SGTB: variants seen among roughly 807,000 people sequenced by gnomAD.
The protein encoded by SGTB is small glutamine rich tetratricopeptide repeat co-chaperone beta, also known as small glutamine-rich tetratricopeptide repeat-containing protein beta.
In SGTB, 19 loss-of-function variants were observed where a neutral mutation model predicts 43.9. The observed-to-expected ratio is 0.43, with a 90% CI of 0.30 to 0.63. The LOEUF (loss-of-function observed/expected upper bound fraction) is 0.63, where lower values mean the gene tolerates loss of function less well. Ranked by LOEUF, SGTB falls within the 30% of genes least tolerant of loss-of-function variation. The pLI is 0.12. For synonymous variants in SGTB, 116 were observed against 117.3 expected (o/e 0.99, Z 0.07); for missense variants, 304 against 358.9 (o/e 0.85, Z 1.24).
intron 3 of SGTB, among the ~76,000 whole-genome samples, chr5:65,710,327 A>T (rs1281849415): frequency 6.6e-6 from 1 of 152,202 alleles, no homozygotes; most frequent in Non-Finnish European, 1.5e-5. Flanking sequence ...TAAAAAATAG[A>T]TTATAATCTC....
At position 65,667,607 on chromosome 5, in the gene SGTB, C is replaced by T. The variant is rs1012915787; in HGVS notation, c.*2639G>A. The T allele has an allele frequency of 1.7e-4, 25 of 146,784 alleles. No homozygotes were observed. The highest frequency in any genetic ancestry group is 6.3e-4 in the African/African-American group (25 of 39,374). 9.1% of individuals were successfully genotyped at this position (146,784 alleles called of 1,614,324 possible). ...TGTGCTCTTTTTAAATTCTGCAGAA[C>T]TATATATCTTCATACAGATCTTCGT... On this transcript the variant is annotated 3_prime_UTR_variant, in exon 11 of 11. Coordinates refer to ENST00000381007, the MANE Select transcript of SGTB (RefSeq NM_019072.3).
intron 8 of SGTB, among the ~76,000 whole-genome samples, chr5:65,675,652 C>A (rs982004269): frequency 2.6e-5 from 4 of 152,190 alleles, no homozygotes; most frequent in African/African-American, 9.6e-5. Context: ...GATCTCTCAG[C>A]AGAAACCCTA....
chr5:65,722,179 G>A (rs1758314960), upstream of SGTB: 4 of 266,062 alleles, frequency 1.5e-5, no homozygotes, highest in East Asian at 2.1e-4. Context: ...GAGCTGGGGC[G>A]GGGCACGGCG....
At chr5:65,704,035 C>CAAA (rs11405488) in intron 5 of SGTB, among the ~76,000 whole-genome samples, 41 of 133,356 alleles carry the variant, frequency 3.1e-4, no homozygotes, top group African/African-American at 5.1e-4. Context: ...GACTCCGTCT[C>CAAA]AAAAAAAAAA....
intron 2 of SGTB, among the ~76,000 whole-genome samples, chr5:65,713,308 T>A (rs1758078541): frequency 6.6e-6 from 1 of 151,904 alleles, no homozygotes; most frequent in East Asian, 1.9e-4. Flanking sequence ...TCCCCTTCCC[T>A]CCCTTTCTTT....
intron 5 of SGTB, among the ~76,000 whole-genome samples, chr5:65,693,098 G>A (rs553824107): frequency 1.2e-3 from 186 of 152,018 alleles, no homozygotes; most frequent in Non-Finnish European, 2.2e-3. Flanking sequence ...GGAGACTGAG[G>A]CATGAGACTT....
chr5:65,690,906 A>C (rs984077697), intron 5 of SGTB, among the ~76,000 whole-genome samples: 1 of 152,248 alleles, frequency 6.6e-6, no homozygotes, highest in Non-Finnish European at 1.5e-5. Context: ...ACTTTTGAGC[A>C]CAGTATTCTC....
intron 2 of SGTB, among the ~76,000 whole-genome samples, chr5:65,713,926 G>A (rs531119905): frequency 5.3e-5 from 8 of 152,116 alleles, no homozygotes; most frequent in African/African-American, 1.7e-4. Context: ...CTACTCAGGA[G>A]GCTGAGGTGG....
intron 3 of SGTB, among the ~76,000 whole-genome samples, chr5:65,711,039 C>A (rs1265249976): frequency 6.6e-6 from 1 of 151,128 alleles, no homozygotes; most frequent in Non-Finnish European, 1.5e-5. Context: ...GTGGCACGTG[C>A]CTGGAGTCCC....
At chr5:65,710,261 G>A (rs2150721841) in intron 3 of SGTB, among the ~76,000 whole-genome samples, 1 of 152,198 alleles carries the variant, frequency 6.6e-6, no homozygotes, top group East Asian at 1.9e-4. Context: ...TTTCCAATAA[G>A]CCTAGGCACT....
At chr5:65,699,287 G>GA (rs1309605816) in intron 5 of SGTB, among the ~76,000 whole-genome samples, 2 of 152,226 alleles carry the variant, frequency 1.3e-5, no homozygotes, top group Non-Finnish European at 2.9e-5. Context: ...CTCAGGAATG[G>GA]AAAACCAAAT....
Position 65,715,889 on chromosome 5 carries a change from C to G in SGTB, c.101-2825G>C, listed in dbSNP as rs531700597. On this transcript the variant is annotated intron_variant, in intron 2 of 10. Transcript: ENST00000381007. ...AGTTTAAGCTATTCTCCTGCCTCAG[C>G]CTCCTGAGTAGCTGGGATTACAGAC... 2.6e-5 allele frequency among the ~76,000 whole-genome samples: 4 copies of G among 152,328 alleles called. No individual in the cohort carries two copies. The South Asian group carries it at 8.3e-4, about 32-fold the overall frequency.
At chr5:65,714,925 G>A (rs1011993710) in intron 2 of SGTB, among the ~76,000 whole-genome samples, 1 of 152,202 alleles carries the variant, frequency 6.6e-6, no homozygotes, top group African/African-American at 2.4e-5. Flanking sequence ...AGAATTTAGT[G>A]AGGGAGAATA....
chr5:65,701,627 TA>T (rs201243025), intron 5 of SGTB, among the ~76,000 whole-genome samples: 3 of 143,794 alleles, frequency 2.1e-5, no homozygotes, highest in African/African-American at 5.2e-5. Context: ...CTATTTAAAT[TA>T]AATTTTTTTT....
chr5:65,680,467 T>C (rs1561152808), intron 8 of SGTB, 27 bp downstream of exon 8: 3 of 1,602,510 alleles, frequency 1.9e-6, no homozygotes, highest in Non-Finnish European at 2.5e-6. Flanking sequence ...ACATAGCCAG[T>C]AGAGGCAGAA....
chr5:65,720,592 T>G (rs946856999), intron 2 of SGTB, 116 bp downstream of exon 2: 34 of 1,268,756 alleles, frequency 2.7e-5, no homozygotes, highest in Non-Finnish European at 3.2e-5. Flanking sequence ...CCTCTCCTCT[T>G]GAAAGATCAA....
chr5:65,676,880 C>A (rs1288458444), intron 8 of SGTB, among the ~76,000 whole-genome samples: 1 of 151,848 alleles, frequency 6.6e-6, no homozygotes, highest in African/African-American at 2.4e-5. Context: ...CTAGAAAGAT[C>A]TCCAGTTGAC....
chr5:65,708,578 A>G lies in SGTB; in HGVS notation c.205-20T>C. 6.3e-7 allele frequency: 1 copy of G among 1,599,086 alleles called. No homozygotes were observed. Among genetic ancestry groups the G allele is most frequent in the Non-Finnish European group, 8.6e-7 (1 of 1,168,260 alleles). On this transcript the variant is annotated intron_variant, in intron 3 of 10. Transcript: ENST00000381007. ...GTCATTCTGAAATTAAATAAAAATCAATGCACTTCCCTTTAGCTACATAAA... is the reference window on the plus strand; with the variant it reads ...GTCATTCTGAAATTAAATAAAAATCGATGCACTTCCCTTTAGCTACATAAA...
At chr5:65,675,152 T>C (rs1757242938) in intron 8 of SGTB, among the ~76,000 whole-genome samples, 1 of 152,226 alleles carries the variant, frequency 6.6e-6, no homozygotes, top group Non-Finnish European at 1.5e-5. Context: ...AGTTACCACA[T>C]ATTGGACCAG....
Sources: allele counts gnomAD v4.1 joint callset (sites outside exome capture counted in the v4.1 genomes callset), GRCh38; gene constraint gnomAD v4.1.1; transcripts MANE v1.5; gene names NCBI Gene and HGNC (gene_info 2026-07-23, HGNC 2026-07-21).